The following FREM3 variants were observed in gnomAD, a reference collection of about 807,000 sequenced individuals.
FREM3 encodes FRAS1-related extracellular matrix protein 3.
Under a neutral mutation model 129.1 loss-of-function variants are expected in FREM3, and 105 were observed. That is an observed-to-expected ratio of 0.81 (90% CI 0.69 to 0.96). The LOEUF (loss-of-function observed/expected upper bound fraction) is 0.96. Ranked by LOEUF, FREM3 falls within the 40% of genes least tolerant of loss-of-function variation. The pLI is 0.00. For synonymous variants in FREM3, 1,014 were observed against 1,044.9 expected, an observed-to-expected ratio of 0.97 and a Z score of 0.57; for missense variants, 2,593 against 2,666.3, an observed-to-expected ratio of 0.97 and a Z score of 0.61.
intron 2 of FREM3, among the ~76,000 whole-genome samples, chr4:143,660,454 G>C (rs1739690064): frequency 6.6e-6 from 1 of 152,032 alleles, no homozygotes; most frequent in African/African-American, 2.4e-5. Flanking sequence ...TCTCTGTTTT[G>C]GTACCAGTAC....
At chr4:143,621,923 A>G (rs1391188) in intron 4 of FREM3, among the ~76,000 whole-genome samples, 52,308 of 152,100 alleles carry the variant, frequency 0.34, 10,506 homozygotes, top group Middle Eastern at 0.46. Flanking sequence ...GTTTGTTTAC[A>G]AAGTTTTAGA....
In FREM3 at chr4:143,699,892, G is replaced by T. The variant is rs1740661058; in HGVS notation, c.784C>A (p.Arg262Ser). 1.3e-6 allele frequency: 2 copies of T among 1,536,568 alleles called. No individual in the cohort carries two copies. Among genetic ancestry groups the T allele is most frequent in the South Asian group, 2.4e-5 (2 of 84,058 alleles). ...TCCACCATCATGGGCACGTAGTCAC[G>T]GTTGGGCGAGGAGGTGGCTGTGTGC... ...YQHTATSSPNRDYVPMMVELL... is the reference protein window; with the variant it reads ...YQHTATSSPNSDYVPMMVELL... Residue 262 changes from arginine to serine, a missense_variant, in exon 1 of 8, where the codon CGT (arginine) becomes AGT (serine). Physicochemically the swap from Arg to Ser is moderately radical, Grantham distance 110. Around this residue, in one of 2 missense-constraint regions of FREM3, gnomAD observed 2,276 missense variants for 2,267.2 expected, o/e 1.00. Coordinates refer to ENST00000329798, the MANE Select transcript of FREM3 (RefSeq NM_001168235.2). This position sits in a 1 kb window ranked among gnomAD's most constrained non-coding sequence, Gnocchi z 4.2.
At chr4:143,594,565 T>C (rs1160721114) in intron 6 of FREM3, among the ~76,000 whole-genome samples, 1 of 152,234 alleles carries the variant, frequency 6.6e-6, no homozygotes, top group Non-Finnish European at 1.5e-5. Context: ...AAAAAAACTT[T>C]GAACAAAGTT....
In FREM3 at chr4:143,697,108, T is replaced by A; in HGVS notation, c.3568A>T (p.Asn1190Tyr). The change falls in exon 1 of 8, where the codon AAT (asparagine) becomes TAT (tyrosine). Residue 1190 changes from asparagine to tyrosine, a missense_variant. Physicochemically the swap from Asn to Tyr is moderately radical, Grantham distance 143. Coordinates refer to ENST00000329798, the MANE Select transcript of FREM3 (RefSeq NM_001168235.2). The stretch of plus-strand genomic sequence containing the variant: ...GCAAAAAGTTTAGGCTGCTCATCAT[T>A]GGTGGGTAGGATGATTATAGGGAAG... ...VFFPIIILPTNDEQPKLFAHE... is the reference protein window; with the variant it reads ...VFFPIIILPTYDEQPKLFAHE... The A allele has an allele frequency of 6.5e-7, 1 of 1,537,812 alleles. No homozygotes were observed. Among genetic ancestry groups the A allele is most frequent in the Non-Finnish European group, 8.7e-7 (1 of 1,147,030 alleles).
chr4:143,591,998 C>T (rs1224092627), intron 6 of FREM3, among the ~76,000 whole-genome samples: 1 of 152,160 alleles, frequency 6.6e-6, no homozygotes, highest in Non-Finnish European at 1.5e-5. Context: ...TATGTAATGG[C>T]CTTCTTTGTC....
chr4:143,689,304 T>TGTAAATCA (rs1740423183), intron 2 of FREM3, among the ~76,000 whole-genome samples: 1 of 151,856 alleles, frequency 6.6e-6, no homozygotes, highest in Non-Finnish European at 1.5e-5. Flanking sequence ...ATCAGGGAAA[T>TGTAAATCA]GTAAATCAAG....
At chr4:143,678,305 A>G (rs1363867077) in intron 2 of FREM3, among the ~76,000 whole-genome samples, 2 of 151,526 alleles carry the variant, frequency 1.3e-5, no homozygotes, top group East Asian at 1.9e-4. Context: ...AAAACCAAAC[A>G]CCGCATGTTC....
At chr4:143,590,587 C>A (rs1409781702) in intron 6 of FREM3, among the ~76,000 whole-genome samples, 2 of 152,160 alleles carry the variant, frequency 1.3e-5, no homozygotes, top group Non-Finnish European at 2.9e-5. Flanking sequence ...AGGGATGAAG[C>A]CTACTTGATC....
chr4:143,692,159 A>G (rs575993810), intron 2 of FREM3, among the ~76,000 whole-genome samples: 1 of 152,326 alleles, frequency 6.6e-6, no homozygotes, highest in African/African-American at 2.4e-5. Flanking sequence ...CTTTACATTT[A>G]TGATCTTAGT....
Position 143,624,307 on chromosome 4 carries a change from T to G in FREM3, c.5454A>C (p.Lys1818Asn). ...SIGTKDETAK[K>N]DKDFKWKTNK... ...TGGTCTTCCATTTGAAATCTTTGTC[T>G]TTTTTTGCAGTTTCATCTTTGGTAC... Residue 1818 changes from lysine (K) to asparagine (N), a missense_variant, in exon 4 of 8, where the codon AAA becomes AAC. Physicochemically the swap from Lys to Asn is moderately conservative, Grantham distance 94 (BLOSUM62 0). Coordinates refer to ENST00000329798, the MANE Select transcript of FREM3 (RefSeq NM_001168235.2). 1 of 1,536,356 alleles carries G rather than the reference T, an allele frequency of 6.5e-7. No individual in the cohort carries two copies. The highest frequency in any genetic ancestry group is 8.7e-7 in the Non-Finnish European group (1 of 1,146,214).
intron 2 of FREM3, among the ~76,000 whole-genome samples, chr4:143,685,650 T>C (rs1467961726): frequency 6.6e-6 from 1 of 152,248 alleles, no homozygotes; most frequent in East Asian, 1.9e-4. Flanking sequence ...AAGTGCACGA[T>C]GACTGCAATA....
chr4:143,659,436 A>G (rs1400899817), intron 2 of FREM3, among the ~76,000 whole-genome samples: 1 of 152,160 alleles, frequency 6.6e-6, no homozygotes. Flanking sequence ...GCTGCATAGT[A>G]TTCCATGGTG....
intron 2 of FREM3, among the ~76,000 whole-genome samples, chr4:143,687,547 AG>A (rs1740391416): frequency 6.6e-6 from 1 of 152,200 alleles, no homozygotes; most frequent in Non-Finnish European, 1.5e-5. Flanking sequence ...AAACCAGGAA[AG>A]GATATAACCA....
At chr4:143,620,941 C>T in intron 5 of FREM3, 96 bp downstream of exon 5, 1 of 1,251,350 alleles carries the variant, frequency 8.0e-7, no homozygotes, top group Non-Finnish European at 1.1e-6. Flanking sequence ...AGCATCTTAA[C>T]TCTGCTTTGC....
intron 6 of FREM3, among the ~76,000 whole-genome samples, chr4:143,605,276 A>T (rs1391999507): frequency 6.6e-6 from 1 of 152,108 alleles, no homozygotes; most frequent in Non-Finnish European, 1.5e-5. Flanking sequence ...TTTTAAGTAA[A>T]AATTAAGTAG....
chr4:143,672,786 C>T (rs568700218), intron 2 of FREM3, among the ~76,000 whole-genome samples: 1 of 152,276 alleles, frequency 6.6e-6, no homozygotes, highest in East Asian at 1.9e-4. Flanking sequence ...AGGCTTTGTT[C>T]ATTTCTTTTT....
Position 143,624,297 on chromosome 4 carries a change from A to G in FREM3, c.5464T>C (p.Phe1822Leu). The G allele has an allele frequency of 6.5e-7, 1 of 1,537,050 alleles. No homozygotes were observed. Among genetic ancestry groups the G allele is most frequent in the East Asian group, 2.4e-5 (1 of 40,888 alleles). ...KDETAKKDKD[F>L]KWKTNKQIQF... The stretch of plus-strand genomic sequence containing the variant: ...ATCTGTTTATTGGTCTTCCATTTGA[A>G]ATCTTTGTCTTTTTTTGCAGTTTCA... The change falls in exon 4 of 8, where the codon TTC becomes CTC. Residue 1822 changes from phenylalanine (F) to leucine (L), a missense_variant. Phe to Leu is a conservative substitution (Grantham distance 22). Coordinates refer to ENST00000329798, the MANE Select transcript of FREM3 (RefSeq NM_001168235.2).
At chr4:143,673,814 G>C (rs757472488) in intron 2 of FREM3, among the ~76,000 whole-genome samples, 5 of 152,208 alleles carry the variant, frequency 3.3e-5, no homozygotes, top group Non-Finnish European at 5.9e-5. Context: ...CCGCAGCCTC[G>C]CTGCCATCTT....
chr4:143,693,290 G>T lies in FREM3; in HGVS notation c.5186-88C>A, dbSNP rs78465179. On this transcript the variant is annotated intron_variant, in intron 1 of 7. Coordinates refer to ENST00000329798, the MANE Select transcript of FREM3 (RefSeq NM_001168235.2). ...AACTTCAAAGTTTTAATTAGGCATA[G>T]AAATACTCCAATTAATAAATTTTAA... 4,236 of 509,338 alleles carry T rather than the reference G, an allele frequency of 8.3e-3. 162 individuals are homozygous for T. Among genetic ancestry groups the T allele is most frequent in the African/African-American group, 0.073 (3,716 of 50,950 alleles). 31.6% of individuals were successfully genotyped at this position (509,338 alleles called of 1,614,324 possible).
Sources: allele counts gnomAD v4.1 joint callset (sites outside exome capture counted in the v4.1 genomes callset), GRCh38; gene constraint gnomAD v4.1.1; regional missense constraint gnomAD v4.1.1; non-coding constraint Gnocchi (gnomAD v3.1); transcripts MANE v1.5; gene names NCBI Gene and HGNC (gene_info 2026-07-23, HGNC 2026-07-21).